The following C4orf50 variants were observed in gnomAD, a reference collection of about 807,000 sequenced individuals.
The protein encoded by C4orf50 is chromosome 4 open reading frame 50, also known as uncharacterized protein C4orf50.
In C4orf50, 80 loss-of-function variants were observed where a neutral mutation model predicts 77.2. That is an observed-to-expected ratio of 1.04 (90% CI 0.87 to 1.25). The LOEUF (loss-of-function observed/expected upper bound fraction) is 1.25. Among genes scored for constraint, C4orf50 ranks in the 50% most tolerant of loss-of-function variants. The pLI is 0.00. For missense variants in C4orf50, 1,257 were observed against 1,152.9 expected (o/e 1.09, Z -1.31); for synonymous variants, 532 against 465.3 (o/e 1.14, Z -1.84).
chr4:5,939,024 C>T (rs1718154766), intron 7 of C4orf50, among the ~76,000 whole-genome samples: 1 of 152,106 alleles, frequency 6.6e-6, no homozygotes, highest in East Asian at 1.9e-4. Context: ...GGGGGATCAC[C>T]CGAGGTCAGG....
chr4:5,912,141 G>C (rs887632473), intron 7 of C4orf50, among the ~76,000 whole-genome samples: 1 of 152,120 alleles, frequency 6.6e-6, no homozygotes, highest in Non-Finnish European at 1.5e-5. Flanking sequence ...AATTTCCGTG[G>C]TGTAAACACT....
intron 28 of C4orf50, among the ~76,000 whole-genome samples, chr4:5,981,874 G>GCCTTAGAAGAAACA (rs1720608391): frequency 6.6e-6 from 1 of 151,948 alleles, no homozygotes. Flanking sequence ...CAGCTTCCCT[G>GCCTTAGAAGAAACA]GGAATTGTAA....
chr4:6,005,747 A>G (rs1382829576), intron 25 of C4orf50, among the ~76,000 whole-genome samples: 1 of 152,204 alleles, frequency 6.6e-6, no homozygotes, highest in Admixed American at 6.5e-5. Flanking sequence ...TCCTAAATAC[A>G]TAGGTACTCG....
At chr4:5,923,577 G>T (rs1717381894) in intron 7 of C4orf50, among the ~76,000 whole-genome samples, 1 of 151,986 alleles carries the variant, frequency 6.6e-6, no homozygotes, top group African/African-American at 2.4e-5. Context: ...CTGGGCGAGG[G>T]ATCGGGGGTA....
At chr4:5,951,061 T>C (rs1481291710) in intron 7 of C4orf50, among the ~76,000 whole-genome samples, 1 of 152,234 alleles carries the variant, frequency 6.6e-6, no homozygotes, top group Non-Finnish European at 1.5e-5. Flanking sequence ...TTTCTTGCAC[T>C]TGTTTTCATG....
At chr4:5,913,308 T>G (rs1716890368) in intron 7 of C4orf50, among the ~76,000 whole-genome samples, 4 of 152,146 alleles carry the variant, frequency 2.6e-5, no homozygotes, top group Admixed American at 2.6e-4. Context: ...AGACCATAGC[T>G]CCTTGATGAG....
At chr4:5,984,926 T>A (rs1341520782) in intron 28 of C4orf50, among the ~76,000 whole-genome samples, 2 of 150,820 alleles carry the variant, frequency 1.3e-5, no homozygotes, top group Admixed American at 1.3e-4. Flanking sequence ...CACATTATAG[T>A]GAAGCTGCCA....
intron 7 of C4orf50, among the ~76,000 whole-genome samples, chr4:5,909,215 C>T (rs571777994): frequency 7.9e-5 from 12 of 152,306 alleles, no homozygotes; most frequent in Admixed American, 2.6e-4. Flanking sequence ...AACCCTTCTA[C>T]GTCATGCAGG....
At chr4:5,927,810 T>A (rs535120189) in intron 7 of C4orf50, among the ~76,000 whole-genome samples, 2 of 152,280 alleles carry the variant, frequency 1.3e-5, no homozygotes, top group South Asian at 4.1e-4. Context: ...AACAGCAGTG[T>A]GAGAACAGAC....
chr4:5,914,502 C>A (rs760977769), intron 7 of C4orf50, among the ~76,000 whole-genome samples: 1 of 152,012 alleles, frequency 6.6e-6, no homozygotes, highest in South Asian at 2.1e-4. Context: ...CCGCGCCTGG[C>A]CTTTTATGGG....
intron 25 of C4orf50, among the ~76,000 whole-genome samples, chr4:6,004,625 A>G (rs1307033746): frequency 1.6e-5 from 2 of 121,310 alleles, no homozygotes; most frequent in Admixed American, 1.7e-4. Context: ...GGTGATGGTG[A>G]TGGTGACTGT....
rs1397098500 is a variant in C4orf50 at position 5,916,737 on chromosome 4, A to G, written c.*2475-18549T>C. 6.6e-6 allele frequency among the ~76,000 whole-genome samples: 1 copy of G among 152,184 alleles called. No individual in the cohort carries two copies. The highest frequency in any genetic ancestry group is 1.5e-5 in the Non-Finnish European group (1 of 68,028). On this transcript the variant is annotated intron_variant, in intron 7 of 7. Transcript: ENST00000324058. This position sits in a 1 kb window ranked among gnomAD's most constrained non-coding sequence, Gnocchi z 4.4. ...AGATGGGTACTGAGGTCACTCCTGCAGGAAATAGGGTCACGGCCCCGAGAG... is the reference window on the plus strand; with the variant it reads ...AGATGGGTACTGAGGTCACTCCTGCGGGAAATAGGGTCACGGCCCCGAGAG...
rs767156839 is a variant in C4orf50 at position 6,017,725 on chromosome 4, T to TA, written c.287+419dup. 1.2e-3 allele frequency among the ~76,000 whole-genome samples: 188 copies of TA among 152,178 alleles called. 1 individual carries two copies. The highest frequency in any genetic ancestry group is 2.1e-3 in the Non-Finnish European group (146 of 67,982). On this transcript the variant is annotated intron_variant, in intron 23 of 33. Coordinates refer to ENST00000531445, the Ensembl canonical transcript of C4orf50. This position sits in a 1 kb window ranked among gnomAD's most constrained non-coding sequence, Gnocchi z 4.7. ...CCATGCTTCTGTCTGCCAGTTCCCC[T>TA]AAAAAAATCACCCCAAACCGACCAA...
At chr4:5,917,506 C>T (rs1034344911) in intron 7 of C4orf50, among the ~76,000 whole-genome samples, 54 of 148,282 alleles carry the variant, frequency 3.6e-4, no homozygotes, top group South Asian at 2.2e-4. Context: ...CTTTGCCTTC[C>T]GGGTTCAAGC....
At chr4:5,911,807 A>T (rs1716818001) in intron 7 of C4orf50, among the ~76,000 whole-genome samples, 1 of 152,222 alleles carries the variant, frequency 6.6e-6, no homozygotes. Flanking sequence ...CAATACTTTG[A>T]GAGGCCCAGG....
intron 7 of C4orf50, among the ~76,000 whole-genome samples, chr4:5,930,285 A>G (rs1717710001): frequency 1.3e-5 from 2 of 152,184 alleles, no homozygotes; most frequent in Non-Finnish European, 2.9e-5. Flanking sequence ...GCAACCAATT[A>G]TAAGAGGTAA....
In C4orf50 at chr4:5,939,927, G is replaced by T. The variant is rs552518606; in HGVS notation, c.*2474+16974C>A. 7.9e-5 allele frequency among the ~76,000 whole-genome samples: 12 copies of T among 152,316 alleles called. No individual in the cohort carries two copies. The South Asian group carries it at 2.3e-3, about 29-fold the overall frequency. ...AGTCTACCGACAACATGCAGAAAGG[G>T]TTTTTGCATCCTCTGCCCCACTTTT... On this transcript the variant is annotated intron_variant, in intron 7 of 7. Transcript: ENST00000324058.
intron 31 of C4orf50, among the ~76,000 whole-genome samples, chr4:5,969,775 T>C (rs962923118): frequency 3.9e-5 from 6 of 152,168 alleles, no homozygotes; most frequent in African/African-American, 1.4e-4. Context: ...AGTGCCAAGT[T>C]CATGACATGG....
At chr4:6,010,744 G>A (rs1039552936) in intron 24 of C4orf50, among the ~76,000 whole-genome samples, 4 of 152,222 alleles carry the variant, frequency 2.6e-5, no homozygotes, top group African/African-American at 9.6e-5. Flanking sequence ...CAGCTACCGT[G>A]AAGTTTTGTG....
Sources: gnomAD v4.1 joint callset for allele counts (sites outside exome capture counted in the v4.1 genomes callset) on GRCh38, gnomAD v4.1.1 for gene constraint, Gnocchi (gnomAD v3.1) non-coding constraint, MANE v1.5 for transcripts, NCBI Gene and HGNC (gene_info 2026-07-23, HGNC 2026-07-21) for gene names.